NUBP1: variants seen among roughly 807,000 people sequenced by gnomAD.
The protein encoded by NUBP1 is cytosolic Fe-S cluster assembly factor NUBP1.
In NUBP1, 46 loss-of-function variants were observed where a neutral mutation model predicts 41.8. The ratio of observed to expected loss-of-function variants is 1.10; its 90% confidence interval spans 0.87 to 1.41. NUBP1 has a LOEUF of 1.41. Among genes scored for constraint, NUBP1 ranks in the 40% most tolerant of loss-of-function variants. The pLI is 0.00. For synonymous variants in NUBP1, 189 were observed against 154.6 expected, an observed-to-expected ratio of 1.22 and a Z score of -1.65; for missense variants, 494 against 414.0, an observed-to-expected ratio of 1.19 and a Z score of -1.68.
rs1454432445 is a variant in NUBP1 at position 10,757,693 on chromosome 16, T to C, written c.452-180T>C. ...ATGCTTCTCCGTGAGCTGGGCACAG[T>C]GGCACGCACTTATAGTCCTAGTTAC... On this transcript the variant is annotated intron_variant, in intron 6 of 10. Coordinates refer to ENST00000283027, the MANE Select transcript of NUBP1 (RefSeq NM_002484.4). The surrounding 1 kb of genome is among the most constrained non-coding windows in gnomAD (Gnocchi z 4.1). Among the ~76,000 whole-genome samples the C allele has an allele frequency of 6.6e-6, 1 of 152,030 alleles. No homozygotes were observed. The highest frequency in any genetic ancestry group is 2.4e-5 in the African/African-American group (1 of 41,376).
chr16:10,756,650 G>T, intron 5 of NUBP1, 40 bp from the exon 6 acceptor site: 1 of 1,463,110 alleles, frequency 6.8e-7, no homozygotes, highest in South Asian at 1.4e-5. Flanking sequence ...GTGTGGTTTT[G>T]AGTAAAGCGT....
At chr16:10,764,477 G>C (rs1008570856) in intron 9 of NUBP1, among the ~76,000 whole-genome samples, 2 of 150,120 alleles carry the variant, frequency 1.3e-5, no homozygotes. Context: ...GCTGGAGTAT[G>C]TCAGTCTATT....
At chr16:10,756,137 A>G (rs1900537932) in intron 5 of NUBP1, among the ~76,000 whole-genome samples, 3 of 152,184 alleles carry the variant, frequency 2.0e-5, no homozygotes, top group Admixed American at 6.6e-5. Context: ...CCAGCACTTT[A>G]GGAGGCCAAG....
chr16:10,751,319 A>C (rs1196679174), intron 3 of NUBP1, among the ~76,000 whole-genome samples: 1 of 152,142 alleles, frequency 6.6e-6, no homozygotes, highest in Non-Finnish European at 1.5e-5. Flanking sequence ...GATCATTGAC[A>C]CATCAGTCCC....
chr16:10,761,690 A>C, intron 8 of NUBP1, 67 bp from the exon 9 acceptor site: 1 of 1,287,158 alleles, frequency 7.8e-7, no homozygotes, highest in Non-Finnish European at 1.1e-6. Flanking sequence ...AGTTTCTTTA[A>C]AATGTGGTCC....
intron 9 of NUBP1, among the ~76,000 whole-genome samples, chr16:10,762,565 C>T (rs1037103221): frequency 3.9e-5 from 6 of 152,122 alleles, no homozygotes; most frequent in African/African-American, 1.4e-4. Flanking sequence ...GGGCGGGCCT[C>T]CGTTACTGGG....
At chr16:10,754,583 C>T (rs1245149301) in intron 4 of NUBP1, among the ~76,000 whole-genome samples, 1 of 152,022 alleles carries the variant, frequency 6.6e-6, no homozygotes. Context: ...TCACAGAGGA[C>T]CGCATGTTGT....
intron 9 of NUBP1, among the ~76,000 whole-genome samples, chr16:10,762,477 T>A (rs2030083344): frequency 6.6e-6 from 1 of 152,104 alleles, no homozygotes; most frequent in South Asian, 2.1e-4. Context: ...GGGCGCCCAC[T>A]CGCCGCGGGG....
At position 10,747,179 on chromosome 16, in the gene NUBP1, AAC is replaced by A; in HGVS notation, c.165_166del (p.His55GlnfsTer28). 6.2e-7 allele frequency: 1 copy of A among 1,614,230 alleles called. No homozygotes were observed. The highest frequency in any genetic ancestry group is 8.5e-7 in the Non-Finnish European group (1 of 1,180,044). ...ATCAAAGAGAAAATGAAGACTGTAA[AAC>A]ACAAAATCTTGGTATTGTCTGGGAA... On this transcript the variant is annotated frameshift_variant, in exon 3 of 11. Coordinates refer to ENST00000283027, the MANE Select transcript of NUBP1 (RefSeq NM_002484.4). LOFTEE classifies it high-confidence loss of function.
rs981057885 is a variant in NUBP1 at position 10,761,624 on chromosome 16, A to G, written c.718-133A>G. On this transcript the variant is annotated intron_variant, in intron 8 of 10. Transcript: ENST00000283027. ...AAATCCCTTTCTGCTGACTAAAGGA[A>G]AGTTCTTTAGGTGTTAAGGGTTCCA... The G allele has an allele frequency of 6.2e-6, 6 of 974,702 alleles. No individual in the cohort carries two copies. The East Asian group carries it at 1.3e-4, about 21-fold the overall frequency. The allele number at this position is 974,702 out of a possible 1,614,324, so 60.4% of individuals were successfully genotyped here.
rs2031346367 is a variant in NUBP1 at position 10,769,236 on chromosome 16, G to A, written c.*131G>A. 1 of 706,992 alleles carries A rather than the reference G, an allele frequency of 1.4e-6. No individual in the cohort carries two copies. The allele number at this position is 706,992 out of a possible 1,614,324, so 43.8% of individuals were successfully genotyped here. A position where few individuals can be genotyped will look rare whatever the true frequency, so the allele number is the denominator to read the frequency against. ...GGACCAGATGCTGGTGTGGTCCGAA[G>A]CCACTTTCTCAGAGACACTTTAATC... is the stretch of plus-strand genomic sequence containing the variant. On this transcript the variant is annotated 3_prime_UTR_variant, in exon 11 of 11. Coordinates refer to ENST00000283027, the MANE Select transcript of NUBP1 (RefSeq NM_002484.4).
chr16:10,767,539 C>T lies in NUBP1; in HGVS notation c.821-410C>T, dbSNP rs1173124375. 2 of 445,446 alleles carry T rather than the reference C, an allele frequency of 4.5e-6. No homozygotes were observed. The highest frequency in any genetic ancestry group is 7.8e-6 in the Non-Finnish European group (2 of 254,904). The allele number at this position is 445,446 out of a possible 1,614,324, so 27.6% of individuals were successfully genotyped here. A position where few individuals can be genotyped will look rare whatever the true frequency, so the allele number is the denominator to read the frequency against. ...GCGCATAATCTTTCTGGAAAGACACCTAGAACACTAGTAGCCCTTTTCGGA... is the reference window on the plus strand; with the variant it reads ...GCGCATAATCTTTCTGGAAAGACACTTAGAACACTAGTAGCCCTTTTCGGA... On this transcript the variant is annotated intron_variant, in intron 9 of 10. Coordinates refer to ENST00000283027, the MANE Select transcript of NUBP1 (RefSeq NM_002484.4). This position sits in a 1 kb window ranked among gnomAD's most constrained non-coding sequence, Gnocchi z 4.6.
At chr16:10,762,069 G>T in intron 9 of NUBP1, 1 of 508,034 alleles carries the variant, frequency 2.0e-6, no homozygotes, top group East Asian at 3.2e-5. Context: ...GAGCAAGCAG[G>T]CCTCAGGCAG....
chr16:10,762,404 T>A (rs1448883663), intron 9 of NUBP1, among the ~76,000 whole-genome samples: 1 of 152,168 alleles, frequency 6.6e-6, no homozygotes, highest in African/African-American at 2.4e-5. Context: ...AGATGCCCAC[T>A]CCCTGAGTGG....
intron 3 of NUBP1, among the ~76,000 whole-genome samples, chr16:10,748,178 T>C (rs764794120): frequency 6.6e-6 from 1 of 152,188 alleles, no homozygotes; most frequent in Non-Finnish European, 1.5e-5. Flanking sequence ...CTTGAACTTC[T>C]GAACTCAAGG....
intron 3 of NUBP1, among the ~76,000 whole-genome samples, chr16:10,750,731 G>A (rs974071444): frequency 4.6e-5 from 7 of 152,214 alleles, no homozygotes; most frequent in Non-Finnish European, 7.3e-5. Context: ...CCAAGGCTTC[G>A]AAAGCAGAAG....
chr16:10,766,097 G>A lies in NUBP1; in HGVS notation c.821-1852G>A, dbSNP rs1339104609. On this transcript the variant is annotated intron_variant, in intron 9 of 10. Coordinates refer to ENST00000283027, the MANE Select transcript of NUBP1 (RefSeq NM_002484.4). This position sits in a 1 kb window ranked among gnomAD's most constrained non-coding sequence, Gnocchi z 4.8. ...CACTTCAGTCTCCTCTGGGGACATG[G>A]TGGCAAAGAGTTACAGATGCCAGCG... is the stretch of plus-strand genomic sequence containing the variant. 1.3e-5 allele frequency: 2 copies of A among 152,414 alleles called. No homozygotes were observed. The highest frequency in any genetic ancestry group is 1.5e-5 in the Non-Finnish European group (1 of 68,206). 9.4% of individuals were successfully genotyped at this position (152,414 alleles called of 1,614,324 possible). A position where few individuals can be genotyped will look rare whatever the true frequency, so the allele number is the denominator to read the frequency against.
At position 10,766,601 on chromosome 16, in the gene NUBP1, T is replaced by C. The variant is rs968393962; in HGVS notation, c.821-1348T>C. The C allele has an allele frequency of 5.6e-5, 10 of 179,624 alleles. No individual in the cohort carries two copies. The highest frequency in any genetic ancestry group is 2.1e-4 in the African/African-American group (9 of 42,594). 11.1% of individuals were successfully genotyped at this position (179,624 alleles called of 1,614,324 possible). The stretch of plus-strand genomic sequence containing the variant: ...CCCTAGCGAGTTCCACATGGTCTCA[T>C]GGGCCCAGCGTTAACGGCGGAGGAT... On this transcript the variant is annotated intron_variant, in intron 9 of 10. Coordinates refer to ENST00000283027, the MANE Select transcript of NUBP1 (RefSeq NM_002484.4). The surrounding 1 kb of genome is among the most constrained non-coding windows in gnomAD (Gnocchi z 4.8).
rs2031030110 is a variant in NUBP1 at position 10,767,302 on chromosome 16, T to C, written c.821-647T>C. The stretch of plus-strand genomic sequence containing the variant: ...GGGATAACATGGTCCTAGAGAAACC[T>C]GGGTGTGCATAGGAGGGGACTGGAA... On this transcript the variant is annotated intron_variant, in intron 9 of 10. Coordinates refer to ENST00000283027, the MANE Select transcript of NUBP1 (RefSeq NM_002484.4). This position sits in a 1 kb window ranked among gnomAD's most constrained non-coding sequence, Gnocchi z 4.6. The C allele has an allele frequency of 5.0e-6, 2 of 399,112 alleles. No individual in the cohort carries two copies. Among genetic ancestry groups the C allele is most frequent in the African/African-American group, 4.1e-5 (2 of 48,636 alleles). 24.7% of individuals were successfully genotyped at this position (399,112 alleles called of 1,614,324 possible). A position where few individuals can be genotyped will look rare whatever the true frequency, so the allele number is the denominator to read the frequency against.
Sources: allele counts gnomAD v4.1 joint callset (sites outside exome capture counted in the v4.1 genomes callset), GRCh38; gene constraint gnomAD v4.1.1; non-coding constraint Gnocchi (gnomAD v3.1); transcripts MANE v1.5; gene names NCBI Gene and HGNC (gene_info 2026-07-23, HGNC 2026-07-21).